The following SH3BP5 variants were observed in gnomAD, a reference collection of about 807,000 sequenced individuals.
The protein encoded by SH3BP5 is SH3 domain binding protein 5.
Under a neutral mutation model 43.3 loss-of-function variants are expected in SH3BP5, and 22 were observed. That is an observed-to-expected ratio of 0.51 (90% CI 0.36 to 0.73). The LOEUF is 0.73. Ranked by LOEUF, SH3BP5 falls within the 30% of genes least tolerant of loss-of-function variation. SH3BP5 has a pLI of 0.00. For synonymous variants in SH3BP5, 255 were observed against 225.8 expected (o/e 1.13, Z -1.16); for missense variants, 529 against 586.9 (o/e 0.90, Z 1.02).
chr3:15,264,414 T>G (rs1167625227), intron 4 of SH3BP5: 1 of 152,210 alleles, frequency 6.6e-6, no homozygotes, highest in African/African-American at 2.4e-5. Flanking sequence ...AGTTTGTATT[T>G]TTTGAATTCA....
intron 4 of SH3BP5, among the ~76,000 whole-genome samples, chr3:15,265,820 C>G (rs1696626963): frequency 6.6e-6 from 1 of 152,002 alleles, no homozygotes; most frequent in South Asian, 2.1e-4. Context: ...TGCTGAAGAT[C>G]CAGGGACCAC....
chr3:15,327,458 C>A (rs1698493472), intron 2 of SH3BP5, among the ~76,000 whole-genome samples: 2 of 152,180 alleles, frequency 1.3e-5, no homozygotes, highest in African/African-American at 4.8e-5. Context: ...CATTTTCCTG[C>A]CCCCATCCTT....
intron 4 of SH3BP5, 71 bp downstream of exon 4, chr3:15,269,642 A>G: frequency 6.9e-7 from 1 of 1,444,068 alleles, no homozygotes; most frequent in South Asian, 1.4e-5. Context: ...CGAGTCTGTT[A>G]CCTCCGCTCA....
rs898572803 is a variant in SH3BP5 at position 15,311,301 on chromosome 3, C to G, written c.202-7070G>C. On this transcript the variant is annotated intron_variant, in intron 2 of 8. Coordinates refer to ENST00000383791, the MANE Select transcript of SH3BP5 (RefSeq NM_004844.5). ...AAACTGGAGGCCAGGTGCGGTGGCT[C>G]ACTCCTGTAATCCCAGCACTTTGGG... 5.9e-5 allele frequency among the ~76,000 whole-genome samples: 9 copies of G among 152,180 alleles called. 1 individual carries two copies. The highest frequency in any genetic ancestry group is 5.9e-4 in the Admixed American group (9 of 15,280).
intron 4 of SH3BP5, among the ~76,000 whole-genome samples, chr3:15,268,660 G>A (rs940221236): frequency 2.0e-4 from 31 of 152,146 alleles, no homozygotes; most frequent in Admixed American, 3.3e-4. Context: ...TAAGAAACCC[G>A]ATAGAGTTAG....
intron 2 of SH3BP5, among the ~76,000 whole-genome samples, 191 bp downstream of exon 2, chr3:15,330,313 A>G (rs913562410): frequency 4.6e-5 from 7 of 152,226 alleles, no homozygotes; most frequent in Non-Finnish European, 4.4e-5. Flanking sequence ...CAACATGTGC[A>G]ATTGGATCCA....
At chr3:15,296,265 G>A (rs961798470) in intron 3 of SH3BP5, among the ~76,000 whole-genome samples, 1 of 149,596 alleles carries the variant, frequency 6.7e-6, no homozygotes, top group Non-Finnish European at 1.5e-5. Flanking sequence ...AAGGGGAGAT[G>A]CTTTTCTTTG....
chr3:15,294,325 G>A (rs61458809), intron 3 of SH3BP5, among the ~76,000 whole-genome samples: 19,841 of 142,836 alleles, frequency 0.14, 1,735 homozygotes, highest in African/African-American at 0.27. Flanking sequence ...GTGTGTGTGT[G>A]TGTGTGCGCG....
At chr3:15,256,430 A>G (rs1696203207) in intron 8 of SH3BP5, 127 bp from the exon 9 acceptor site, 2 of 1,002,728 alleles carry the variant, frequency 2.0e-6, no homozygotes, top group Non-Finnish European at 3.0e-6. Flanking sequence ...CCAGTCAGCT[A>G]ACTCAGCCCT....
At chr3:15,302,734 C>A (rs1697786047) in intron 3 of SH3BP5, among the ~76,000 whole-genome samples, 1 of 152,136 alleles carries the variant, frequency 6.6e-6, no homozygotes, top group Non-Finnish European at 1.5e-5. Flanking sequence ...ATCTCCCCCA[C>A]AGTGCACAAC....
chr3:15,315,908 A>G (rs1018005745), intron 2 of SH3BP5, among the ~76,000 whole-genome samples: 1 of 152,220 alleles, frequency 6.6e-6, no homozygotes, highest in African/African-American at 2.4e-5. Flanking sequence ...TTTCAGGTGC[A>G]TATTTCCTAA....
At chr3:15,279,434 T>C (rs1347337193) in intron 3 of SH3BP5, among the ~76,000 whole-genome samples, 3 of 152,154 alleles carry the variant, frequency 2.0e-5, no homozygotes, top group African/African-American at 7.2e-5. Context: ...CCCTTTAATA[T>C]GTCGGAGCAG....
chr3:15,315,140 G>A (rs934542916), intron 2 of SH3BP5, among the ~76,000 whole-genome samples: 3 of 152,024 alleles, frequency 2.0e-5, no homozygotes, highest in Admixed American at 1.3e-4. Context: ...GGACACTTTT[G>A]AGAATAAGGA....
chr3:15,339,464 C>T (rs1698738126), intron 1 of SH3BP5, among the ~76,000 whole-genome samples: 1 of 152,122 alleles, frequency 6.6e-6, no homozygotes, highest in Admixed American at 6.5e-5. Context: ...GTAATCCCAG[C>T]ACTTTGGGAG....
rs778546408 is a variant in SH3BP5, at chr3:15,255,113, C to CT, written c.*972dup. ...CATGAAAACGTTAAAGAAAAGCAGT[C>CT]TTAACACTTAACTACTATTAACAGC... On this transcript the variant is annotated 3_prime_UTR_variant, in exon 9 of 9. Coordinates refer to ENST00000383791, the MANE Select transcript of SH3BP5 (RefSeq NM_004844.5). 19 of 152,602 alleles carry CT rather than the reference C, an allele frequency of 1.2e-4. No individual in the cohort carries two copies. Among genetic ancestry groups the CT allele is most frequent in the Non-Finnish European group, 2.2e-4 (15 of 68,040 alleles). The allele number at this position is 152,602 out of a possible 1,614,324, so 9.5% of individuals were successfully genotyped here.
intron 2 of SH3BP5, among the ~76,000 whole-genome samples, chr3:15,314,134 T>C (rs1398925377): frequency 6.6e-6 from 1 of 151,928 alleles, no homozygotes. Context: ...TTAGTGATTT[T>C]TTTTTAATTG....
chr3:15,258,693 T>C lies in SH3BP5; in HGVS notation c.889+138A>G, dbSNP rs953598483. 2.3e-5 allele frequency: 15 copies of C among 664,558 alleles called. No individual in the cohort carries two copies. In the African/African-American group the frequency reaches 2.5e-4, roughly 11 times the overall value. 41.2% of individuals were successfully genotyped at this position (664,558 alleles called of 1,614,324 possible). A position where few individuals can be genotyped will look rare whatever the true frequency, so the allele number is the denominator to read the frequency against. On this transcript the variant is annotated intron_variant, in intron 7 of 8. Transcript: ENST00000383791. ...AATGAACACAGTGTTCCATAAAACA[T>C]GGGAACCCACCAGAAATAGCCCTCA...
chr3:15,329,337 A>G (rs1016866375), intron 2 of SH3BP5, among the ~76,000 whole-genome samples: 2 of 152,126 alleles, frequency 1.3e-5, no homozygotes, highest in Admixed American at 1.3e-4. Context: ...GAAATCTGAG[A>G]TCCTGAGAGG....
At chr3:15,303,820 T>G (rs922911560) in intron 3 of SH3BP5, among the ~76,000 whole-genome samples, 7 of 152,018 alleles carry the variant, frequency 4.6e-5, no homozygotes, top group Non-Finnish European at 7.4e-5. Flanking sequence ...AGGTTGTCAT[T>G]AGGAGCGGAG....
Sources: gnomAD v4.1 joint callset for allele counts (sites outside exome capture counted in the v4.1 genomes callset) on GRCh38, gnomAD v4.1.1 for gene constraint, MANE v1.5 for transcripts, NCBI Gene and HGNC (gene_info 2026-07-23, HGNC 2026-07-21) for gene names.